Variants in TIAM2 observed in about 807,000 individuals in gnomAD.
TIAM2 encodes the protein rho guanine nucleotide exchange factor TIAM2.
A neutral mutation model predicts 152.9 loss-of-function variants in TIAM2; 80 were observed. The observed-to-expected ratio is 0.52, with a 90% CI of 0.44 to 0.63. TIAM2 has a LOEUF of 0.63. Among genes scored for constraint, TIAM2 ranks in the 30% least tolerant of loss-of-function variants. The pLI is 0.00. For synonymous variants in TIAM2, 804 were observed against 838.0 expected (o/e 0.96, Z 0.70); for missense variants, 1,965 against 2,120.1 (o/e 0.93, Z 1.44).
At chr6:155,148,403 T>C in intron 7 of TIAM2, 69 bp downstream of exon 7, 1 of 1,412,820 alleles carries the variant, frequency 7.1e-7, no homozygotes, top group Non-Finnish European at 9.8e-7. Context: ...GAACGCATGC[T>C]GTCATCTTGG....
intron 1 of TIAM2, among the ~76,000 whole-genome samples, chr6:155,057,743 AC>A (rs1777488258): frequency 6.6e-6 from 1 of 151,576 alleles, no homozygotes; most frequent in African/African-American, 2.4e-5. Context: ...ATGGGGTTCC[AC>A]TATGTTCACC....
intron 14 of TIAM2, among the ~76,000 whole-genome samples, chr6:155,204,788 G>A (rs572055328): frequency 6.6e-6 from 1 of 152,042 alleles, no homozygotes; most frequent in Admixed American, 6.6e-5. Context: ...TTTCCGATGC[G>A]GTGACTGCTG....
intron 2 of TIAM2, among the ~76,000 whole-genome samples, chr6:155,095,594 A>G (rs903020917): frequency 3.9e-5 from 6 of 152,180 alleles, no homozygotes; most frequent in Non-Finnish European, 7.3e-5. Flanking sequence ...CCGTCACTCA[A>G]TGTATTTAGG....
intron 14 of TIAM2, among the ~76,000 whole-genome samples, chr6:155,188,968 CTT>C (rs34408857): frequency 0.058 from 8,829 of 152,194 alleles, 871 homozygotes; most frequent in African/African-American, 0.2. Context: ...GCCTGAGGTT[CTT>C]TTTTTAGCCT....
In TIAM2 at chr6:155,041,442, G is replaced by T. The variant is rs528199443; in HGVS notation, c.-209+45950G>T. Among the ~76,000 whole-genome samples the T allele has an allele frequency of 3.9e-5, 6 of 152,146 alleles. No individual in the cohort carries two copies. In the South Asian group the frequency reaches 1.0e-3, roughly 26 times the overall value. ...TTTGAGTTTTGCCAAATTATTTTTG[G>T]CTGGCTTCATACTCACTCCAAAGAA... On this transcript the variant is annotated intron_variant, in intron 1 of 26. Transcript: ENST00000682666.
chr6:155,184,819 A>G (rs1780996096), intron 14 of TIAM2, among the ~76,000 whole-genome samples: 1 of 152,208 alleles, frequency 6.6e-6, no homozygotes, highest in Admixed American at 6.5e-5. Context: ...AAATGCCATT[A>G]AATGGACTAT....
At chr6:155,181,218 G>T (rs958132990) in intron 12 of TIAM2, among the ~76,000 whole-genome samples, 1 of 152,108 alleles carries the variant, frequency 6.6e-6, no homozygotes, top group African/African-American at 2.4e-5. Flanking sequence ...CCTCACTGTG[G>T]CATCACAGAG....
In TIAM2 at chr6:155,183,319, T is replaced by C. The variant is rs1337166487; in HGVS notation, c.2883T>C (p.Phe961=). ...DLDLKQMEAL[F]SEKSVGLTLI... is the part of the protein sequence containing the mutation. ...ACCTTAAGCAGATGGAGGCCCTGTT[T>C]TCTGAGAAGAGCGTCGGACTCACTC... The change falls in exon 14 of 27, where the codon TTT becomes TTC. Residue 961 remains phenylalanine (F), a synonymous_variant. Transcript: ENST00000682666. The C allele has an allele frequency of 6.2e-7, 1 of 1,614,174 alleles. No homozygotes were observed. Among genetic ancestry groups the C allele is most frequent in the Non-Finnish European group, 8.5e-7 (1 of 1,180,038 alleles).
chr6:155,180,273 C>A (rs371658699), intron 12 of TIAM2, among the ~76,000 whole-genome samples: 1 of 152,070 alleles, frequency 6.6e-6, no homozygotes, highest in African/African-American at 2.4e-5. Flanking sequence ...GCGACAAGAG[C>A]GAAACTCCGT....
chr6:155,147,984 A>ATT, intron 6 of TIAM2, 126 bp from the exon 7 acceptor site: 4 of 899,574 alleles, frequency 4.4e-6, no homozygotes, highest in Non-Finnish European at 7.1e-6. Flanking sequence ...TGTTTTTGAA[A>ATT]TTAAGCAGCT....
At chr6:155,092,893 G>A (rs887744484) in intron 2 of TIAM2, among the ~76,000 whole-genome samples, 4 of 152,150 alleles carry the variant, frequency 2.6e-5, no homozygotes, top group Non-Finnish European at 5.9e-5. Flanking sequence ...TTGGGTAGTG[G>A]TCATTAAATG....
At position 155,008,974 on chromosome 6, in the gene TIAM2, C is replaced by A. The variant is rs561330825; in HGVS notation, c.-209+13482C>A. Among the ~76,000 whole-genome samples the A allele has an allele frequency of 5.3e-5, 8 of 151,792 alleles. No homozygotes were observed. The South Asian group carries it at 1.7e-3, about 32-fold the overall frequency. ...AGGAGAGGAAGAGCATAATGGAAAGCACATTAGGTATTGTTCCAGAACAGA... is the reference window on the plus strand; with the variant it reads ...AGGAGAGGAAGAGCATAATGGAAAGAACATTAGGTATTGTTCCAGAACAGA... On this transcript the variant is annotated intron_variant, in intron 1 of 26. Coordinates refer to ENST00000682666, the MANE Select transcript of TIAM2 (RefSeq NM_012454.4).
Position 155,214,508 on chromosome 6 carries a change from TC to T in TIAM2, c.3168+3204del, listed in dbSNP as rs1424973881. 6.6e-6 allele frequency among the ~76,000 whole-genome samples: 1 copy of T among 152,150 alleles called. No individual in the cohort carries two copies. The highest frequency in any genetic ancestry group is 1.5e-5 in the Non-Finnish European group (1 of 68,032). On this transcript the variant is annotated intron_variant, in intron 15 of 26. Coordinates refer to ENST00000682666, the MANE Select transcript of TIAM2 (RefSeq NM_012454.4). The surrounding 1 kb of genome is among the most constrained non-coding windows in gnomAD (Gnocchi z 5.4). ...CACTTCCTCACTACCTGCTCTCTTC[TC>T]CCGTTTTCCATGCACCTTCTTCCAA...
chr6:155,132,017 T>C (rs755547973), intron 4 of TIAM2, among the ~76,000 whole-genome samples: 13 of 151,954 alleles, frequency 8.6e-5, no homozygotes, highest in Non-Finnish European at 1.6e-4. Context: ...TTCTGTATCA[T>C]GGCATGTAAA....
At chr6:155,118,095 G>A (rs1275293270) in intron 2 of TIAM2, among the ~76,000 whole-genome samples, 2 of 152,198 alleles carry the variant, frequency 1.3e-5, no homozygotes, top group African/African-American at 4.8e-5. Flanking sequence ...TCGTGCCGTG[G>A]TGTTTCTGGG....
chr6:155,042,179 C>T (rs769795611), intron 1 of TIAM2, among the ~76,000 whole-genome samples: 6 of 152,000 alleles, frequency 3.9e-5, no homozygotes, highest in Non-Finnish European at 8.8e-5. Flanking sequence ...TCATAATCCT[C>T]ATTCCGCTAC....
chr6:155,177,280 T>A (rs1216448536), intron 10 of TIAM2, among the ~76,000 whole-genome samples: 2 of 152,232 alleles, frequency 1.3e-5, no homozygotes, highest in Admixed American at 1.3e-4. Flanking sequence ...CGTTGCTATT[T>A]AAGTTACTTA....
At chr6:155,011,458 T>C (rs930253590) in intron 1 of TIAM2, among the ~76,000 whole-genome samples, 1 of 152,196 alleles carries the variant, frequency 6.6e-6, no homozygotes, top group African/African-American at 2.4e-5. Context: ...GTGTGAGATA[T>C]TTATTTTGAA....
At chr6:155,165,549 T>C in intron 9 of TIAM2, 140 bp downstream of exon 9, 1 of 1,229,926 alleles carries the variant, frequency 8.1e-7, no homozygotes, top group East Asian at 2.5e-5. Flanking sequence ...CCTGTAATTC[T>C]AGCACACTGG....
Sources: gnomAD v4.1 joint callset for allele counts (sites outside exome capture counted in the v4.1 genomes callset) on GRCh38, gnomAD v4.1.1 for gene constraint, Gnocchi (gnomAD v3.1) non-coding constraint, MANE v1.5 for transcripts, NCBI Gene and HGNC (gene_info 2026-07-23, HGNC 2026-07-21) for gene names.